The following CFLAR variants were observed in gnomAD, a reference collection of about 807,000 sequenced individuals.
The protein encoded by CFLAR is CASP8 and FADD-like apoptosis regulator.
Under a neutral mutation model 51.1 loss-of-function variants are expected in CFLAR, and 14 were observed. The observed-to-expected ratio is 0.27, with a 90% CI of 0.18 to 0.43. The LOEUF (loss-of-function observed/expected upper bound fraction) is 0.43, where lower values mean the gene tolerates loss of function less well. CFLAR is among the 20% of genes least tolerant of loss of function. CFLAR has a pLI of 1.00. For synonymous variants in CFLAR, 210 were observed against 211.6 expected (o/e 0.99, Z 0.06); for missense variants, 390 against 566.5 (o/e 0.69, Z 3.16).
At chr2:201,136,715 A>G in intron 4 of CFLAR, 1 of 622,476 alleles carries the variant, frequency 1.6e-6, no homozygotes, top group Non-Finnish European at 2.6e-6. Context: ...AGACTCATTG[A>G]TCTATAGAGC....
Position 201,165,060 on chromosome 2 carries a change from CCCCTT to C in CFLAR, c.*1088_*1092del, listed in dbSNP as rs934672925. The C allele has an allele frequency of 2.0e-5, 3 of 152,050 alleles. No homozygotes were observed. The highest frequency in any genetic ancestry group is 4.4e-5 in the Non-Finnish European group (3 of 68,010). The allele number at this position is 152,050 out of a possible 1,614,324, so 9.4% of individuals were successfully genotyped here. A position where few individuals can be genotyped will look rare whatever the true frequency, so the allele number is the denominator to read the frequency against. On this transcript the variant is annotated 3_prime_UTR_variant, in exon 10 of 10. Coordinates refer to ENST00000309955, the MANE Select transcript of CFLAR (RefSeq NM_003879.7). ...TACTGTCACTTTGGGGATACTGTCTCCCCTTTGAATTCTGGGGGGAATACAAACAT... is the reference window on the plus strand; with the variant it reads ...TACTGTCACTTTGGGGATACTGTCTCTGAATTCTGGGGGGAATACAAACAT...
intron 5 of CFLAR, 94 bp downstream of exon 5, chr2:201,140,533 A>G: frequency 1.1e-6 from 1 of 910,690 alleles, no homozygotes; most frequent in Non-Finnish European, 1.6e-6. Flanking sequence ...ACTTTATTTA[A>G]TATCTGAAAA....
At chr2:201,123,424 T>C (rs569393946) in intron 1 of CFLAR, among the ~76,000 whole-genome samples, 3 of 152,258 alleles carry the variant, frequency 2.0e-5, no homozygotes, top group African/African-American at 7.2e-5. Context: ...TGAGGGCTGC[T>C]CCCCGCTTCC....
intron 3 of CFLAR, among the ~76,000 whole-genome samples, chr2:201,134,669 A>AATAAAATAAAATAAAAAAAT (rs1559193439): frequency 1.3e-5 from 2 of 150,952 alleles, no homozygotes; most frequent in African/African-American, 4.8e-5. Flanking sequence ...AATAAAATAA[A>AATAAAATAAAATAAAAAAAT]ATAAAATAAA....
In CFLAR at chr2:201,166,977, G is replaced by C. The variant is rs1001919812; in HGVS notation, c.*3004G>C. The C allele has an allele frequency of 6.6e-6, 1 of 151,974 alleles. No individual in the cohort carries two copies. The highest frequency in any genetic ancestry group is 1.5e-5 in the Non-Finnish European group (1 of 68,010). The allele number at this position is 151,974 out of a possible 1,614,324, so 9.4% of individuals were successfully genotyped here. On this transcript the variant is annotated 3_prime_UTR_variant, in exon 10 of 10. Coordinates refer to ENST00000309955, the MANE Select transcript of CFLAR (RefSeq NM_003879.7). The stretch of plus-strand genomic sequence containing the variant: ...GGGGAGAGGGAGAAGAGAGGGAGGG[G>C]GAGAGGGCTATTTTTAAAATTTTTT...
chr2:201,161,014 T>G (rs1942922793), intron 9 of CFLAR, 72 bp downstream of exon 9: 1 of 1,059,746 alleles, frequency 9.4e-7, no homozygotes, highest in African/African-American at 1.6e-5. Context: ...GAATTACCAC[T>G]GTGCCACATT....
Position 201,176,283 on chromosome 2 carries a change from G to C in CFLAR, c.*12310G>C, listed in dbSNP as rs1264143743. ...GTCTCAGGTGTTTTCTATTGCGGGG[G>C]GGGGGGGCGGGCGGGGGAGCTGCCT... On this transcript the variant is annotated 3_prime_UTR_variant, in exon 10 of 10. Coordinates refer to ENST00000309955, the MANE Select transcript of CFLAR (RefSeq NM_003879.7). The C allele has an allele frequency of 1.2e-4, 15 of 127,564 alleles. 2 individuals are homozygous for C. Among genetic ancestry groups the C allele is most frequent in the Non-Finnish European group, 2.1e-4 (13 of 60,522 alleles). 7.9% of individuals were successfully genotyped at this position (127,564 alleles called of 1,614,324 possible).
At chr2:201,132,383 A>G (rs532048885) in intron 2 of CFLAR, among the ~76,000 whole-genome samples, 8 of 151,306 alleles carry the variant, frequency 5.3e-5, no homozygotes, top group African/African-American at 2.0e-4. Flanking sequence ...GGAGCCCCAG[A>G]AAAGTGTGGT....
chr2:201,175,110 T>C lies in CFLAR; in HGVS notation c.*11137T>C, dbSNP rs1237921217. On this transcript the variant is annotated 3_prime_UTR_variant, in exon 10 of 10. Transcript: ENST00000309955. ...GGAAAACTCATGAATAAGCCACCTCTTGTTTAGCGTATAGTCAAGAAGCAA... is the reference window on the plus strand; with the variant it reads ...GGAAAACTCATGAATAAGCCACCTCCTGTTTAGCGTATAGTCAAGAAGCAA... 1 of 152,236 alleles carries C rather than the reference T, an allele frequency of 6.6e-6. No individual in the cohort carries two copies. Among genetic ancestry groups the C allele is most frequent in the East Asian group, 1.9e-4 (1 of 5,194 alleles). 9.4% of individuals were successfully genotyped at this position (152,236 alleles called of 1,614,324 possible).
At chr2:201,161,105 A>G (rs1433298303) in intron 9 of CFLAR, among the ~76,000 whole-genome samples, 163 bp downstream of exon 9, 1 of 152,262 alleles carries the variant, frequency 6.6e-6, no homozygotes, top group Non-Finnish European at 1.5e-5. Flanking sequence ...TAGACCCGGC[A>G]TGATTTATAA....
chr2:201,130,353 C>CTTTTTTTTTTTTTTTTTTT (rs771361555), intron 2 of CFLAR, among the ~76,000 whole-genome samples: 25 of 92,280 alleles, frequency 2.7e-4, no homozygotes, highest in African/African-American at 3.9e-4. Context: ...TTCTTTCTTT[C>CTTTTTTTTTTTTTTTTTTT]TTTTTTTTTT....
chr2:201,143,950 A>C (rs1364792030), intron 5 of CFLAR, among the ~76,000 whole-genome samples: 1 of 145,648 alleles, frequency 6.9e-6, no homozygotes. Context: ...ACTCTGTCTC[A>C]AAAAAAAAAA....
intron 3 of CFLAR, 41 bp downstream of exon 3, chr2:201,133,175 C>G: frequency 6.8e-7 from 1 of 1,466,850 alleles, no homozygotes. Flanking sequence ...AGGAGCCTAT[C>G]AGAAGTGGGA....
intron 8 of CFLAR, among the ~76,000 whole-genome samples, chr2:201,151,996 T>TC (rs1251370714): frequency 2.0e-5 from 3 of 151,656 alleles, no homozygotes; most frequent in Non-Finnish European, 4.4e-5. Flanking sequence ...TTTTTTTTTT[T>TC]CTTTCTTGAG....
Position 201,130,619 on chromosome 2 carries a change from G to A in CFLAR, c.281+473G>A, listed in dbSNP as rs375341188. Among the ~76,000 whole-genome samples the A allele has an allele frequency of 3.9e-5, 6 of 152,114 alleles. No individual in the cohort carries two copies. The East Asian group carries it at 7.7e-4, about 20-fold the overall frequency. On this transcript the variant is annotated intron_variant, in intron 2 of 9. Transcript: ENST00000309955. ...GACCTCAAGTGATCCACCTGCCTTG[G>A]CTTCCCAAAATGCTGGGATAACAGG... is the stretch of plus-strand genomic sequence containing the variant.
chr2:201,163,536 G>T (rs1045573269), intron 9 of CFLAR: 6 of 1,187,836 alleles, frequency 5.1e-6, no homozygotes, highest in Non-Finnish European at 6.3e-6. Flanking sequence ...ATACTCCATG[G>T]GCCGGTGGTA....
rs1256496972 is a variant in CFLAR at position 201,138,383 on chromosome 2, G to A, written c.524-1974G>A. The A allele has an allele frequency of 1.9e-5, 15 of 773,990 alleles. No individual in the cohort carries two copies. Among genetic ancestry groups the A allele is most frequent in the Admixed American group, 1.4e-4 (8 of 58,690 alleles). The allele number at this position is 773,990 out of a possible 1,614,324, so 47.9% of individuals were successfully genotyped here. On this transcript the variant is annotated intron_variant, in intron 4 of 9. Transcript: ENST00000309955. This position sits in a 1 kb window ranked among gnomAD's most constrained non-coding sequence, Gnocchi z 4.0. ...CACAGGGTAGTCTCGGTTCTTCAGCGCGGTGCAGGTGATAATGGCCACCAG... is the reference window on the plus strand; with the variant it reads ...CACAGGGTAGTCTCGGTTCTTCAGCACGGTGCAGGTGATAATGGCCACCAG...
chr2:201,138,791 A>C lies in CFLAR; in HGVS notation c.524-1566A>C. On this transcript the variant is annotated intron_variant, in intron 4 of 9. Transcript: ENST00000309955. This position sits in a 1 kb window ranked among gnomAD's most constrained non-coding sequence, Gnocchi z 4.0. ...CTGGGGTGCAGTTGTGGTGAATGAAACCAGTACCTCCCATCAGAGCCATCA... is the reference window on the plus strand; with the variant it reads ...CTGGGGTGCAGTTGTGGTGAATGAACCCAGTACCTCCCATCAGAGCCATCA... 1.3e-6 allele frequency: 1 copy of C among 764,204 alleles called. No individual in the cohort carries two copies. Among genetic ancestry groups the C allele is most frequent in the East Asian group, 2.5e-5 (1 of 40,384 alleles). The allele number at this position is 764,204 out of a possible 1,614,324, so 47.3% of individuals were successfully genotyped here. A position where few individuals can be genotyped will look rare whatever the true frequency, so the allele number is the denominator to read the frequency against.
At position 201,164,159 on chromosome 2, in the gene CFLAR, G is replaced by A; in HGVS notation, c.*186G>A. ...GGGTACCTGTATTCCCAGTTACTTG[G>A]GAGGCTGAGGTGGGAGGATCTTTTG... On this transcript the variant is annotated 3_prime_UTR_variant, in exon 10 of 10. Transcript: ENST00000309955. The A allele has an allele frequency of 2.2e-6, 1 of 450,198 alleles. No homozygotes were observed. Among genetic ancestry groups the A allele is most frequent in the East Asian group, 3.8e-5 (1 of 26,010 alleles). The allele number at this position is 450,198 out of a possible 1,614,324, so 27.9% of individuals were successfully genotyped here.
Sources: allele counts gnomAD v4.1 joint callset (sites outside exome capture counted in the v4.1 genomes callset), GRCh38; gene constraint gnomAD v4.1.1; non-coding constraint Gnocchi (gnomAD v3.1); transcripts MANE v1.5; gene names NCBI Gene and HGNC (gene_info 2026-07-23, HGNC 2026-07-21).